Variants in CFAP61 observed in about 807,000 individuals in gnomAD.
The protein encoded by CFAP61 is cilia and flagella associated protein 61.
A neutral mutation model predicts 135.6 loss-of-function variants in CFAP61; 107 were observed. The observed-to-expected ratio is 0.79, with a 90% CI of 0.67 to 0.93. CFAP61 has a LOEUF of 0.93. Ranked by LOEUF, CFAP61 falls within the 40% of genes least tolerant of loss-of-function variation. The pLI is 0.00. For synonymous variants in CFAP61, 575 were observed against 578.5 expected (o/e 0.99, Z 0.09); for missense variants, 1,507 against 1,556.2 (o/e 0.97, Z 0.53).
At chr20:20,177,470 G>A (rs1240146541) in intron 13 of CFAP61, among the ~76,000 whole-genome samples, 1 of 151,598 alleles carries the variant, frequency 6.6e-6, no homozygotes, top group Non-Finnish European at 1.5e-5. Flanking sequence ...AATTGACGTC[G>A]ATCACATTGA....
At position 20,199,755 on chromosome 20, in the gene CFAP61, T is replaced by G. The variant is rs199976724; in HGVS notation, c.1798-13T>G. ...ACATTCTCTCCCCTAAAATATAGAT[T>G]GCTGTCTTTCAGTTCCAGAACCCCT... is the stretch of plus-strand genomic sequence containing the variant. On this transcript the variant is annotated splice_polypyrimidine_tract_variant and intron_variant, in intron 16 of 26. Transcript: ENST00000245957. 18 of 1,613,870 alleles carry G rather than the reference T, an allele frequency of 1.1e-5. No individual in the cohort carries two copies. Among genetic ancestry groups the G allele is most frequent in the Non-Finnish European group, 1.4e-5 (17 of 1,179,928 alleles).
At chr20:20,242,945 G>C (rs765845817) in intron 18 of CFAP61, among the ~76,000 whole-genome samples, 7 of 152,166 alleles carry the variant, frequency 4.6e-5, no homozygotes, top group Non-Finnish European at 7.3e-5. Context: ...CTGGAGCCAG[G>C]CATCCTGGGT....
Position 20,277,321 on chromosome 20 carries a change from G to T in CFAP61, c.2659G>T (p.Ala887Ser), listed in dbSNP as rs750615049. ...CAACTACTCGGTGGAGAGCGCCGTGGCGGACGCGCTAGGAGCCGCCGGAGT... is the reference window on the plus strand; with the variant it reads ...CAACTACTCGGTGGAGAGCGCCGTGTCGGACGCGCTAGGAGCCGCCGGAGT... ...INNYSVESAV[A>S]DALGAAGVTM... is the part of the protein sequence containing the mutation. The change falls in exon 22 of 27, where the codon GCG (alanine) becomes TCG (serine). Residue 887 changes from alanine (A) to serine (S), a missense_variant. Ala to Ser is a moderately conservative substitution (Grantham distance 99). Transcript: ENST00000245957. 2 of 1,614,128 alleles carry T rather than the reference G, an allele frequency of 1.2e-6. No individual in the cohort carries two copies. Among genetic ancestry groups the T allele is most frequent in the Non-Finnish European group, 1.7e-6 (2 of 1,180,020 alleles).
At chr20:20,323,925 A>T (rs1421583345) in intron 25 of CFAP61, among the ~76,000 whole-genome samples, 2 of 151,966 alleles carry the variant, frequency 1.3e-5, no homozygotes, top group African/African-American at 4.8e-5. Context: ...ATTTCTTGAG[A>T]TTCTATTTTA....
At chr20:20,209,259 A>G (rs2047460107) in intron 17 of CFAP61, among the ~76,000 whole-genome samples, 1 of 152,152 alleles carries the variant, frequency 6.6e-6, no homozygotes, top group South Asian at 2.1e-4. Context: ...TTTTTATCCC[A>G]ATTTTTATCA....
chr20:20,187,299 G>A (rs1033373879), intron 13 of CFAP61, among the ~76,000 whole-genome samples: 7 of 152,202 alleles, frequency 4.6e-5, no homozygotes, highest in African/African-American at 1.4e-4. Flanking sequence ...CATGAGGCAG[G>A]AATGGGGAGG....
chr20:20,269,613 C>T (rs1209272859), intron 21 of CFAP61, among the ~76,000 whole-genome samples: 1 of 152,182 alleles, frequency 6.6e-6, no homozygotes, highest in African/African-American at 2.4e-5. Context: ...CTCAAGTGAT[C>T]CTCCCGCCTT....
intron 24 of CFAP61, among the ~76,000 whole-genome samples, chr20:20,294,118 C>T (rs1206896150): frequency 6.6e-6 from 1 of 152,218 alleles, no homozygotes; most frequent in East Asian, 1.9e-4. Context: ...TAGGGGAAGA[C>T]ACCAGATATA....
intron 18 of CFAP61, among the ~76,000 whole-genome samples, chr20:20,241,436 C>T (rs1022433752): frequency 5.3e-5 from 8 of 152,022 alleles, no homozygotes; most frequent in African/African-American, 1.7e-4. Flanking sequence ...TGCCTCTATC[C>T]CCCAAAAAAT....
At chr20:20,069,897 C>T in intron 2 of CFAP61, 1 of 326,986 alleles carries the variant, frequency 3.1e-6, no homozygotes, top group Non-Finnish European at 6.2e-6. Context: ...CAAGAAGGAA[C>T]ATGGGTAACT....
chr20:20,120,595 G>A (rs73605588), intron 8 of CFAP61, among the ~76,000 whole-genome samples: 14,965 of 152,194 alleles, frequency 0.098, 1,555 homozygotes, highest in East Asian at 0.6. Flanking sequence ...TGAAAACAAT[G>A]TGTATTCTGC....
At chr20:20,138,829 CT>C (rs1215328241) in intron 8 of CFAP61, among the ~76,000 whole-genome samples, 12 of 152,320 alleles carry the variant, frequency 7.9e-5, no homozygotes, top group African/African-American at 2.9e-4. Flanking sequence ...TTCTTTCCCC[CT>C]AACTTGAAAT....
intron 6 of CFAP61, among the ~76,000 whole-genome samples, chr20:20,081,659 T>C (rs1309073943): frequency 6.6e-6 from 1 of 152,158 alleles, no homozygotes; most frequent in Admixed American, 6.6e-5. Context: ...CTACACCCCT[T>C]CCTTCTTTTC....
intron 8 of CFAP61, among the ~76,000 whole-genome samples, chr20:20,116,988 A>G (rs1434164331): frequency 1.3e-5 from 2 of 152,110 alleles, no homozygotes; most frequent in African/African-American, 4.8e-5. Context: ...GGACTTTTGT[A>G]TCCAGTTTTC....
chr20:20,355,350 G>A (rs1270418061), intron 26 of CFAP61, among the ~76,000 whole-genome samples: 2 of 132,714 alleles, frequency 1.5e-5, no homozygotes, highest in Non-Finnish European at 3.2e-5. Context: ...ACACTGTGAG[G>A]GGAGGTGGTC....
chr20:20,261,927 C>T (rs2147009119), intron 20 of CFAP61, among the ~76,000 whole-genome samples: 1 of 152,270 alleles, frequency 6.6e-6, no homozygotes, highest in Admixed American at 6.5e-5. Context: ...TTCCCACACA[C>T]ATCTGCATCA....
intron 26 of CFAP61, among the ~76,000 whole-genome samples, chr20:20,357,251 A>G (rs1309911083): frequency 2.2e-5 from 1 of 44,818 alleles, no homozygotes; most frequent in Non-Finnish European, 5.0e-5. Flanking sequence ...GGAGGTAGTC[A>G]CACTGTGAAG....
chr20:20,296,465 C>CTTT (rs1453294803), intron 24 of CFAP61, among the ~76,000 whole-genome samples: 43 of 146,054 alleles, frequency 2.9e-4, no homozygotes, highest in Non-Finnish European at 5.2e-4. Flanking sequence ...TGCCTTCCTT[C>CTTT]CTTCCTTTCT....
chr20:20,056,122 A>G, intron 1 of CFAP61: 2 of 777,804 alleles, frequency 2.6e-6, no homozygotes. Context: ...GTGGCCCTTC[A>G]GGAAGCCTAT....
Sources: gnomAD v4.1 joint callset for allele counts (sites outside exome capture counted in the v4.1 genomes callset) on GRCh38, gnomAD v4.1.1 for gene constraint, MANE v1.5 for transcripts, NCBI Gene and HGNC (gene_info 2026-07-23, HGNC 2026-07-21) for gene names.